Variants in SGCZ observed in about 807,000 individuals in gnomAD.
The protein encoded by SGCZ is zeta-sarcoglycan.
Under a neutral mutation model 41.3 loss-of-function variants are expected in SGCZ, and 40 were observed. The observed-to-expected ratio is 0.97, with a 90% CI of 0.75 to 1.26. The LOEUF (loss-of-function observed/expected upper bound fraction) is 1.26, where lower values mean the gene tolerates loss of function less well. Ranked by LOEUF, SGCZ falls within the 50% of genes most tolerant of loss-of-function variation. The pLI is 0.00. For synonymous variants in SGCZ, 206 were observed against 137.5 expected, an observed-to-expected ratio of 1.50 and a Z score of -3.49; for missense variants, 552 against 369.8, an observed-to-expected ratio of 1.49 and a Z score of -4.04.
At chr8:14,609,979 T>C (rs534890024) in intron 1 of SGCZ, among the ~76,000 whole-genome samples, 2 of 152,328 alleles carry the variant, frequency 1.3e-5, no homozygotes, top group African/African-American at 2.4e-5. Flanking sequence ...AATACATTCA[T>C]ATTTTTGTTA....
intron 4 of SGCZ, among the ~76,000 whole-genome samples, chr8:14,166,803 G>A (rs1053288926): frequency 3.9e-5 from 6 of 152,064 alleles, no homozygotes; most frequent in African/African-American, 1.5e-4. Flanking sequence ...AAGTGGAGAG[G>A]TGTCTGGATA....
At chr8:15,054,283 G>A (rs1804624497) in intron 1 of SGCZ, among the ~76,000 whole-genome samples, 1 of 152,156 alleles carries the variant, frequency 6.6e-6, no homozygotes. Context: ...CCCTTCTGAT[G>A]TTAATTCATA....
intron 2 of SGCZ, among the ~76,000 whole-genome samples, chr8:14,530,514 A>G (rs1585052864): frequency 1.3e-5 from 2 of 152,032 alleles, no homozygotes; most frequent in South Asian, 2.1e-4. Context: ...ATGTCTGGCC[A>G]TCATTTAAAT....
chr8:14,840,860 T>C (rs1585309310), intron 1 of SGCZ, among the ~76,000 whole-genome samples: 1 of 152,242 alleles, frequency 6.6e-6, no homozygotes, highest in Admixed American at 6.5e-5. Flanking sequence ...TGTATAACTT[T>C]TGTGTTTTAT....
At chr8:14,338,696 G>T (rs1185139856) in intron 2 of SGCZ, among the ~76,000 whole-genome samples, 1 of 152,088 alleles carries the variant, frequency 6.6e-6, no homozygotes, top group South Asian at 2.1e-4. Context: ...ACATTATTTA[G>T]TGTTTATTTT....
At chr8:14,176,854 A>T (rs999163622) in intron 4 of SGCZ, among the ~76,000 whole-genome samples, 6 of 152,198 alleles carry the variant, frequency 3.9e-5, no homozygotes, top group Non-Finnish European at 8.8e-5. Flanking sequence ...AGCAATTTGG[A>T]GACAGGAGGC....
chr8:14,428,928 T>G (rs530721061), intron 2 of SGCZ, among the ~76,000 whole-genome samples: 12 of 152,232 alleles, frequency 7.9e-5, no homozygotes, highest in Admixed American at 1.3e-4. Context: ...TATTTGTGAA[T>G]TAGTATAGAA....
intron 2 of SGCZ, among the ~76,000 whole-genome samples, chr8:14,468,123 G>C (rs1392488909): frequency 6.6e-6 from 1 of 151,866 alleles, no homozygotes; most frequent in Non-Finnish European, 1.5e-5. Flanking sequence ...TTATGAGTTT[G>C]GGTTTAATGA....
At chr8:14,818,770 T>C (rs1321542965) in intron 1 of SGCZ, among the ~76,000 whole-genome samples, 1 of 151,908 alleles carries the variant, frequency 6.6e-6, no homozygotes, top group South Asian at 2.1e-4. Context: ...AAGAATTCTA[T>C]GAAGGAAATA....
intron 1 of SGCZ, among the ~76,000 whole-genome samples, chr8:14,614,940 A>G (rs566355320): frequency 6.6e-6 from 1 of 152,332 alleles, no homozygotes; most frequent in African/African-American, 2.4e-5. Flanking sequence ...CTTTATATAT[A>G]GTGATAAATA....
intron 4 of SGCZ, among the ~76,000 whole-genome samples, chr8:14,166,793 A>G (rs1585195268): frequency 6.6e-6 from 1 of 152,152 alleles, no homozygotes; most frequent in African/African-American, 2.4e-5. Flanking sequence ...TTAGAAAAAT[A>G]AGTGGAGAGG....
intron 1 of SGCZ, among the ~76,000 whole-genome samples, chr8:14,748,056 A>T (rs2130306261): frequency 6.6e-6 from 1 of 151,772 alleles, no homozygotes; most frequent in East Asian, 1.9e-4. Flanking sequence ...ACTTCCCATG[A>T]CTCTTATCTC....
intron 2 of SGCZ, among the ~76,000 whole-genome samples, chr8:14,527,241 A>T (rs937048405): frequency 7.2e-5 from 11 of 152,144 alleles, no homozygotes; most frequent in Non-Finnish European, 1.0e-4. Flanking sequence ...TTATCAGTAG[A>T]TATGATGAGG....
chr8:14,484,778 T>C (rs1397310595), intron 2 of SGCZ, among the ~76,000 whole-genome samples: 3 of 152,216 alleles, frequency 2.0e-5, no homozygotes, highest in African/African-American at 7.2e-5. Context: ...ATTCACATAA[T>C]ACAACTACAG....
intron 2 of SGCZ, among the ~76,000 whole-genome samples, chr8:14,424,642 T>G (rs963173552): frequency 6.6e-6 from 1 of 152,172 alleles, no homozygotes; most frequent in Non-Finnish European, 1.5e-5. Flanking sequence ...CGTCAGTGCA[T>G]ATTTACATGC....
intron 2 of SGCZ, among the ~76,000 whole-genome samples, chr8:14,478,187 C>T (rs1035200470): frequency 2.6e-5 from 4 of 152,198 alleles, no homozygotes; most frequent in African/African-American, 9.6e-5. Context: ...CAATCATGCC[C>T]CTTGGCATAT....
chr8:14,972,029 G>A (rs1001734755), intron 1 of SGCZ, among the ~76,000 whole-genome samples: 1 of 151,832 alleles, frequency 6.6e-6, no homozygotes, highest in Non-Finnish European at 1.5e-5. Flanking sequence ...GTTTGGTTTC[G>A]GGTTATTACT....
intron 1 of SGCZ, among the ~76,000 whole-genome samples, chr8:15,145,098 G>C (rs750317317): frequency 6.6e-6 from 1 of 152,142 alleles, no homozygotes; most frequent in Non-Finnish European, 1.5e-5. Context: ...GACATCCTTT[G>C]ATCAGAGCAA....
Position 14,318,251 on chromosome 8 carries a change from C to T in SGCZ, c.336+5852G>A, listed in dbSNP as rs190689140. Among the ~76,000 whole-genome samples the T allele has an allele frequency of 2.0e-5, 3 of 151,278 alleles. No individual in the cohort carries two copies. The Admixed American group carries it at 2.0e-4, about 10-fold the overall frequency. ...GGAACAGGAGGAAGAGGGAGAAGGGCAAGAAAAGGAAGAGATAGAGGAAGA... is the reference window on the plus strand; with the variant it reads ...GGAACAGGAGGAAGAGGGAGAAGGGTAAGAAAAGGAAGAGATAGAGGAAGA... On this transcript the variant is annotated intron_variant, in intron 3 of 7. Transcript: ENST00000382080.
Sources: allele counts gnomAD v4.1 joint callset (sites outside exome capture counted in the v4.1 genomes callset), GRCh38; gene constraint gnomAD v4.1.1; transcripts MANE v1.5; gene names NCBI Gene and HGNC (gene_info 2026-07-23, HGNC 2026-07-21).